The following USP40 variants were observed in gnomAD, a reference collection of about 807,000 sequenced individuals.
The protein encoded by USP40 is ubiquitin carboxyl-terminal hydrolase 40.
Under a neutral mutation model 166.2 loss-of-function variants are expected in USP40, and 143 were observed. The observed-to-expected ratio is 0.86, with a 90% CI of 0.75 to 0.99. The LOEUF (loss-of-function observed/expected upper bound fraction) is 0.99. USP40 is among the 50% of genes least tolerant of loss of function. The probability of loss-of-function intolerance (pLI) is 0.00; values close to 1 mark genes in which losing one functional copy is unlikely to be tolerated. For synonymous variants in USP40, 498 were observed against 524.0 expected, an observed-to-expected ratio of 0.95 and a Z score of 0.68; for missense variants, 1,444 against 1,479.7, an observed-to-expected ratio of 0.98 and a Z score of 0.40.
intron 13 of USP40, 100 bp downstream of exon 13, chr2:233,527,307 G>T: frequency 1.5e-6 from 2 of 1,343,626 alleles, no homozygotes; most frequent in Admixed American, 2.6e-5. Flanking sequence ...TTCCTAAGCA[G>T]CTTTGAAAAA....
intron 30 of USP40, among the ~76,000 whole-genome samples, chr2:233,484,934 G>C (rs572036983): frequency 6.6e-6 from 1 of 152,302 alleles, no homozygotes; most frequent in East Asian, 1.9e-4. Flanking sequence ...GGGCGGTTAG[G>C]GGAATCCTTA....
rs553134828 is a variant in USP40, at chr2:233,480,799, G to A, written c.3599+404C>T. 4.6e-5 allele frequency among the ~76,000 whole-genome samples: 7 copies of A among 152,298 alleles called. No individual in the cohort carries two copies. The highest frequency in any genetic ancestry group is 1.9e-4 in the East Asian group (1 of 5,174). Reference sequence around the variant, plus strand: ...GGCTCTCGGGAACCTTGGAGAGAGCGGGAGAAGGACAGGGAGCCCGCAGCA... The same window carrying A: ...GGCTCTCGGGAACCTTGGAGAGAGCAGGAGAAGGACAGGGAGCCCGCAGCA... On this transcript the variant is annotated intron_variant, in intron 31 of 31. Transcript: ENST00000678225. The surrounding 1 kb of genome is among the most constrained non-coding windows in gnomAD (Gnocchi z 4.5).
chr2:233,521,010 A>G lies in USP40; in HGVS notation c.2306T>C (p.Ile769Thr), dbSNP rs757590503. ...ACTCACTGTGTTAACAGTTGCTGATATTTTAACTTGCTTCTCTTCAGATTC... is the reference window on the plus strand; with the variant it reads ...ACTCACTGTGTTAACAGTTGCTGATGTTTTAACTTGCTTCTCTTCAGATTC... ...QLESEEKQVK[I>T]SATVNTMVFD... Residue 769 changes from isoleucine to threonine, a missense_variant, in exon 17 of 32, where the codon ATA (isoleucine) becomes ACA (threonine). Coordinates refer to ENST00000678225, the MANE Select transcript of USP40 (RefSeq NM_001365479.2). 2 of 1,613,384 alleles carry G rather than the reference A, an allele frequency of 1.2e-6. No homozygotes were observed. Among genetic ancestry groups the G allele is most frequent in the South Asian group, 2.2e-5 (2 of 91,014 alleles).
chr2:233,562,489 C>G (rs1000339092), intron 3 of USP40, among the ~76,000 whole-genome samples: 5 of 150,016 alleles, frequency 3.3e-5, no homozygotes, highest in African/African-American at 4.9e-5. Context: ...ACCACATATT[C>G]TCACTCGTAG....
rs370563213 is a variant in USP40, at chr2:233,514,342, AAGG to A, written c.2384-1723_2384-1721del. On this transcript the variant is annotated intron_variant, in intron 18 of 31. Coordinates refer to ENST00000678225, the MANE Select transcript of USP40 (RefSeq NM_001365479.2). ...ACTGGGACTGTGTGGTCAGGGATGA[AAGG>A]AGAAGGAACATCTCATATAAGACCA... Among the ~76,000 whole-genome samples, 231 of 152,306 alleles carry A rather than the reference AAGG, an allele frequency of 1.5e-3. 1 individual carries two copies. The highest frequency in any genetic ancestry group is 5.2e-3 in the African/African-American group (215 of 41,574).
chr2:233,482,332 C>A (rs1346223103), intron 30 of USP40, among the ~76,000 whole-genome samples: 2 of 151,316 alleles, frequency 1.3e-5, no homozygotes, highest in African/African-American at 4.9e-5. Flanking sequence ...CCACTGTACT[C>A]CAGCCTGGGT....
intron 19 of USP40, 94 bp from the exon 20 acceptor site, chr2:233,511,891 A>G: frequency 9.7e-7 from 1 of 1,030,412 alleles, no homozygotes. Flanking sequence ...GAAAATCAAG[A>G]ATATCAAGAA....
In USP40 at chr2:233,477,118, C is replaced by A; in HGVS notation, c.*274G>T. The stretch of plus-strand genomic sequence containing the variant: ...TTTCTGGTTAAAAGAAAAAAAAAGG[C>A]AGCTGGGGCCGGGTGCTGTGTGAGA... On this transcript the variant is annotated 3_prime_UTR_variant, in exon 32 of 32. Coordinates refer to ENST00000678225, the MANE Select transcript of USP40 (RefSeq NM_001365479.2). The A allele has an allele frequency of 2.2e-6, 1 of 463,192 alleles. No individual in the cohort carries two copies. The highest frequency in any genetic ancestry group is 4.0e-6 in the Non-Finnish European group (1 of 250,200). The allele number at this position is 463,192 out of a possible 1,614,324, so 28.7% of individuals were successfully genotyped here.
rs2064930383 is a variant in USP40 at position 233,486,094 on chromosome 2, T to C, written c.3198-117A>G. 8.7e-7 allele frequency: 1 copy of C among 1,155,164 alleles called. No homozygotes were observed. The highest frequency in any genetic ancestry group is 1.2e-6 in the Non-Finnish European group (1 of 831,966). The allele number at this position is 1,155,164 out of a possible 1,614,324, so 71.6% of individuals were successfully genotyped here. A position where few individuals can be genotyped will look rare whatever the true frequency, so the allele number is the denominator to read the frequency against. ...CTTTTCTGGTTTTTATAAGGAGAGA[T>C]TTTTCCCTAAATGCTGGATGCTAGT... is the stretch of plus-strand genomic sequence containing the variant. On this transcript the variant is annotated intron_variant, in intron 28 of 31. Transcript: ENST00000678225. This position sits in a 1 kb window ranked among gnomAD's most constrained non-coding sequence, Gnocchi z 4.0.
At chr2:233,485,369 G>A (rs1362093827) in intron 30 of USP40, among the ~76,000 whole-genome samples, 162 bp downstream of exon 30, 2 of 152,294 alleles carry the variant, frequency 1.3e-5, no homozygotes, top group East Asian at 1.9e-4. Flanking sequence ...CAGTGGCCTT[G>A]TAAAGTCAGT....
At chr2:233,481,613 A>G (rs1209200255) in intron 30 of USP40, 1 of 365,114 alleles carries the variant, frequency 2.7e-6, no homozygotes. Context: ...GATCATCCAC[A>G]TCAGCACACG....
rs534343894 is a variant in USP40, at chr2:233,530,865, G to C, written c.1472-1353C>G. On this transcript the variant is annotated intron_variant, in intron 11 of 31. Transcript: ENST00000678225. Reference sequence around the variant, plus strand: ...ATATTTTACTGTTTTCCATTAGCTTGTCATTTGCCTTTTAATTCTGTTTTA... The same window carrying C: ...ATATTTTACTGTTTTCCATTAGCTTCTCATTTGCCTTTTAATTCTGTTTTA... Among the ~76,000 whole-genome samples, 6 of 152,214 alleles carry C rather than the reference G, an allele frequency of 3.9e-5. No individual in the cohort carries two copies. The South Asian group carries it at 1.0e-3, about 26-fold the overall frequency.
intron 12 of USP40, among the ~76,000 whole-genome samples, chr2:233,528,745 A>C (rs1575296467): frequency 1.3e-5 from 2 of 152,104 alleles, no homozygotes; most frequent in South Asian, 4.2e-4. Flanking sequence ...AATGATAAAA[A>C]TGTCAAATAC....
In USP40 at chr2:233,524,499, C is replaced by A; in HGVS notation, c.1874G>T (p.Gly625Val). 6.2e-7 allele frequency: 1 copy of A among 1,606,288 alleles called. No individual in the cohort carries two copies. Among genetic ancestry groups the A allele is most frequent in the Non-Finnish European group, 8.5e-7 (1 of 1,176,962 alleles). ...ADGEDIFVWN[G>V]VEVGGVHIQT... ...TTCAGTAATTTTTTTTACCTCCACCCCATTCCACACAAAGATGTCTTCCCC... is the reference window on the plus strand; with the variant it reads ...TTCAGTAATTTTTTTTACCTCCACCACATTCCACACAAAGATGTCTTCCCC... Residue 625 changes from glycine (G) to valine (V), a missense_variant, in exon 15 of 32, where the codon GGG becomes GTG. By Grantham distance (109) the Gly-to-Val change is moderately radical. Coordinates refer to ENST00000678225, the MANE Select transcript of USP40 (RefSeq NM_001365479.2).
At chr2:233,547,286 C>A (rs939901944) in intron 8 of USP40, among the ~76,000 whole-genome samples, 1 of 152,166 alleles carries the variant, frequency 6.6e-6, no homozygotes, top group African/African-American at 2.4e-5. Flanking sequence ...AAAATTTAGG[C>A]ATAGATCATC....
At chr2:233,490,160 CTT>C (rs545796570) in intron 26 of USP40, among the ~76,000 whole-genome samples, 40 of 131,666 alleles carry the variant, frequency 3.0e-4, no homozygotes, top group African/African-American at 1.0e-3. Context: ...TTCTTTTCTC[CTT>C]TTTTTTTTTT....
intron 23 of USP40, 130 bp downstream of exon 23, chr2:233,498,418 G>T: frequency 1.3e-6 from 1 of 780,264 alleles, no homozygotes; most frequent in Non-Finnish European, 2.0e-6. Context: ...AAGTAAAATA[G>T]ACCCATTCAT....
In USP40 at chr2:233,477,265, C is replaced by A; in HGVS notation, c.*127G>T. On this transcript the variant is annotated 3_prime_UTR_variant, in exon 32 of 32. Transcript: ENST00000678225. ...TGGCCAGGCCTCAGAGGAGCCGTCC[C>A]TGTGCTCAAAGGAAGCAGAGGATTT... 1.1e-6 allele frequency: 1 copy of A among 874,766 alleles called. No individual in the cohort carries two copies. 54.2% of individuals were successfully genotyped at this position (874,766 alleles called of 1,614,324 possible). A position where few individuals can be genotyped will look rare whatever the true frequency, so the allele number is the denominator to read the frequency against.
At chr2:233,551,614 C>G (rs749646234) in intron 6 of USP40, 95 bp from the exon 7 acceptor site, 92 of 1,201,950 alleles carry the variant, frequency 7.7e-5, no homozygotes, top group Non-Finnish European at 1.0e-4. Flanking sequence ...ACCTATGACA[C>G]AGTTCTAAGA....
Sources: gnomAD v4.1 joint callset for allele counts (sites outside exome capture counted in the v4.1 genomes callset) on GRCh38, gnomAD v4.1.1 for gene constraint, Gnocchi (gnomAD v3.1) non-coding constraint, MANE v1.5 for transcripts, NCBI Gene and HGNC (gene_info 2026-07-23, HGNC 2026-07-21) for gene names.